The following FRMD1 variants were observed in gnomAD, a reference collection of about 807,000 sequenced individuals.
The protein encoded by FRMD1 is FERM domain-containing protein 1.
Under a neutral mutation model 54.9 loss-of-function variants are expected in FRMD1, and 51 were observed. The ratio of observed to expected loss-of-function variants is 0.93; its 90% confidence interval spans 0.74 to 1.17. FRMD1 has a LOEUF of 1.17. Ranked by LOEUF, FRMD1 falls within the 50% of genes most tolerant of loss-of-function variation. The pLI is 0.00. For missense variants in FRMD1, 729 were observed against 743.0 expected, an observed-to-expected ratio of 0.98 and a Z score of 0.22; for synonymous variants, 324 against 306.4, an observed-to-expected ratio of 1.06 and a Z score of -0.60.
In FRMD1 at chr6:168,055,403, G is replaced by T. The variant is rs1253334002; in HGVS notation, c.*1694C>A. On this transcript the variant is annotated 3_prime_UTR_variant, in exon 11 of 11. Transcript: ENST00000283309. Reference sequence around the variant, plus strand: ...TGTGTGTGCATGCATGTGGATGTGTGCATGTGTGCATGTAGGTCTTGGCTC... The same window carrying T: ...TGTGTGTGCATGCATGTGGATGTGTTCATGTGTGCATGTAGGTCTTGGCTC... 6.6e-6 allele frequency: 1 copy of T among 152,550 alleles called. No individual in the cohort carries two copies. The highest frequency in any genetic ancestry group is 1.5e-5 in the Non-Finnish European group (1 of 68,314). The allele number at this position is 152,550 out of a possible 1,614,324, so 9.4% of individuals were successfully genotyped here.
intron 9 of FRMD1, 94 bp downstream of exon 9, chr6:168,060,667 G>A: frequency 6.0e-6 from 8 of 1,322,538 alleles, no homozygotes; most frequent in Non-Finnish European, 8.3e-6. Flanking sequence ...GGCAGGCCAG[G>A]GCTTTGCTGC....
chr6:168,083,684 A>G (rs1800874991), upstream of FRMD1, among the ~76,000 whole-genome samples: 1 of 151,432 alleles, frequency 6.6e-6, no homozygotes, highest in East Asian at 2.0e-4. Flanking sequence ...GTCCCAGGGA[A>G]TGGGGCCGGC....
At chr6:168,065,900 C>T in intron 4 of FRMD1, 2 of 1,000,242 alleles carry the variant, frequency 2.0e-6, no homozygotes, top group Non-Finnish European at 2.4e-6. Flanking sequence ...TTCACGCACC[C>T]CTGAAGCTCT....
chr6:168,092,046 C>G (rs1801024423), intron 1 of FRMD1, among the ~76,000 whole-genome samples: 1 of 152,234 alleles, frequency 6.6e-6, no homozygotes, highest in South Asian at 2.1e-4. Context: ...CACTTCCTGG[C>G]CCTCTGCTGG....
At chr6:168,078,796 G>GTA in intron 1 of FRMD1, 86 bp downstream of exon 1, 1 of 293,772 alleles carries the variant, frequency 3.4e-6, no homozygotes. Flanking sequence ...GGCCACCCAG[G>GTA]GCCCTGCTCA....
At position 168,061,003 on chromosome 6, in the gene FRMD1, G is replaced by GCCAGGT. The variant is rs1291604778; in HGVS notation, c.1094_1099dup (p.Asp365_Leu366dup). ...CCCACTGCCCGGGAAGCTCCTGCTG[G>GCCAGGT]CCAGGTCCAGCTCCAGCTCATCGCT... On this transcript the variant is annotated inframe_insertion, in exon 9 of 11. Transcript: ENST00000283309. 1.2e-6 allele frequency: 2 copies of GCCAGGT among 1,612,990 alleles called. No homozygotes were observed. The highest frequency in any genetic ancestry group is 2.7e-5 in the African/African-American group (2 of 74,918).
chr6:168,081,344 T>A, upstream of FRMD1: 1 of 1,525,182 alleles, frequency 6.6e-7, no homozygotes. Context: ...TGACCCCACC[T>A]CTGAATGTCT....
rs1180529973 is a variant in FRMD1 at position 168,061,885 on chromosome 6, G to A, written c.967C>T (p.Leu323=). ...TGGAGCTGGTGGCTGGCGCGCAGCA[G>A]GTGCAGCAGGTGCCTGGACCGCCAG... ...CTWRSRHLLH[L]LRASHQLHLR... is the part of the protein sequence containing the mutation. The change falls in exon 8 of 11, where the codon CTG becomes TTG. Residue 323 remains leucine, a synonymous_variant. Transcript: ENST00000283309. 1.3e-6 allele frequency: 2 copies of A among 1,592,412 alleles called. No individual in the cohort carries two copies. The highest frequency in any genetic ancestry group is 1.7e-5 in the Admixed American group (1 of 57,574).
At chr6:168,060,590 A>T (rs1226610956) in intron 9 of FRMD1, among the ~76,000 whole-genome samples, 171 bp downstream of exon 9, 2 of 152,142 alleles carry the variant, frequency 1.3e-5, no homozygotes, top group Non-Finnish European at 1.5e-5. Flanking sequence ...TTCTTCCGGC[A>T]TGTTCTGGCA....
Position 168,057,014 on chromosome 6 carries a change from A to G in FRMD1, c.*83T>C. The G allele has an allele frequency of 7.2e-7, 1 of 1,393,380 alleles. No homozygotes were observed. The highest frequency in any genetic ancestry group is 2.8e-5 in the East Asian group (1 of 36,150). The allele number at this position is 1,393,380 out of a possible 1,614,324, so 86.3% of individuals were successfully genotyped here. A position where few individuals can be genotyped will look rare whatever the true frequency, so the allele number is the denominator to read the frequency against. Reference sequence around the variant, plus strand: ...GAAGTGCAGGCAGCATCTGGCGGGCAGGAAGGGACGAGGGCCATGTGGAAG... The same window carrying G: ...GAAGTGCAGGCAGCATCTGGCGGGCGGGAAGGGACGAGGGCCATGTGGAAG... On this transcript the variant is annotated 3_prime_UTR_variant, in exon 11 of 11. Coordinates refer to ENST00000283309, the MANE Select transcript of FRMD1 (RefSeq NM_024919.6).
At chr6:168,086,081 C>T (rs1383536046), upstream of FRMD1, among the ~76,000 whole-genome samples, 2 of 152,378 alleles carry the variant, frequency 1.3e-5, no homozygotes, top group African/African-American at 4.8e-5. Context: ...TGCCTGCCTT[C>T]CGGCCCTGGA....
chr6:168,067,225 C>T (rs1342182803), intron 3 of FRMD1, 142 bp downstream of exon 3: 2 of 663,812 alleles, frequency 3.0e-6, no homozygotes, highest in African/African-American at 1.8e-5. Flanking sequence ...CACCGTGGTG[C>T]CCTGCTCTCT....
intron 1 of FRMD1, among the ~76,000 whole-genome samples, chr6:168,090,617 C>A (rs1002903584): frequency 7.9e-5 from 12 of 152,232 alleles, no homozygotes; most frequent in African/African-American, 2.9e-4. Flanking sequence ...TTGACCCCTG[C>A]CTGTTTGCCT....
intron 1 of FRMD1, chr6:168,075,692 A>T: frequency 6.9e-7 from 1 of 1,442,398 alleles, no homozygotes; most frequent in Non-Finnish European, 9.5e-7. Flanking sequence ...CTCGCACGGC[A>T]CAAATGAATG....
intron 7 of FRMD1, chr6:168,062,612 G>A (rs569100608): frequency 2.5e-5 from 37 of 1,485,420 alleles, no homozygotes; most frequent in African/African-American, 9.8e-5. Flanking sequence ...AAAATGCCCC[G>A]AGGATGAAGC....
chr6:168,065,858 C>A, intron 4 of FRMD1: 1 of 1,000,104 alleles, frequency 1.0e-6, no homozygotes, highest in Non-Finnish European at 1.2e-6. Flanking sequence ...TCCTGGGAAA[C>A]CCCCTTAGGT....
chr6:168,063,788 C>T, intron 5 of FRMD1, 32 bp from the exon 6 acceptor site: 1 of 1,572,796 alleles, frequency 6.4e-7, no homozygotes, highest in Non-Finnish European at 8.6e-7. Context: ...CAGCTCAGAC[C>T]CCTGCTGGTC....
intron 1 of FRMD1, among the ~76,000 whole-genome samples, chr6:168,089,707 C>T (rs1800982637): frequency 1.3e-5 from 2 of 152,302 alleles, no homozygotes; most frequent in Non-Finnish European, 1.5e-5. Flanking sequence ...GGCCGCCCAG[C>T]GGGGAGCGGA....
chr6:168,088,235 C>T (rs1321115917), intron 1 of FRMD1, among the ~76,000 whole-genome samples: 6 of 152,142 alleles, frequency 3.9e-5, no homozygotes, highest in East Asian at 3.9e-4. Flanking sequence ...TATGTGAGCC[C>T]GAAGACTGCA....
Sources: gnomAD v4.1 joint callset for allele counts (sites outside exome capture counted in the v4.1 genomes callset) on GRCh38, gnomAD v4.1.1 for gene constraint, MANE v1.5 for transcripts, NCBI Gene and HGNC (gene_info 2026-07-23, HGNC 2026-07-21) for gene names.